STK40: variants seen among roughly 807,000 people sequenced by gnomAD.
STK40 encodes the protein serine/threonine kinase 40.
STK40 carries 13 observed loss-of-function variants against 47.9 expected under a neutral mutation model. That is an observed-to-expected ratio of 0.27 (90% CI 0.18 to 0.43). The LOEUF (loss-of-function observed/expected upper bound fraction) is 0.43, where lower values mean the gene tolerates loss of function less well. STK40 is among the 20% of genes least tolerant of loss of function. The pLI, the probability that STK40 is intolerant of heterozygous loss-of-function variation, is 1.00. For synonymous variants in STK40, 225 were observed against 243.2 expected (o/e 0.93, Z 0.69); for missense variants, 460 against 595.1 (o/e 0.77, Z 2.36).
chr1:36,358,048 G>A (rs1427460713), intron 4 of STK40, among the ~76,000 whole-genome samples, 191 bp downstream of exon 4: 1 of 152,190 alleles, frequency 6.6e-6, no homozygotes, highest in East Asian at 1.9e-4. Flanking sequence ...CCCCACAGGA[G>A]CACAGCTAGT....
chr1:36,384,561 T>C (rs1647069162), intron 1 of STK40, among the ~76,000 whole-genome samples: 1 of 152,248 alleles, frequency 6.6e-6, no homozygotes, highest in African/African-American at 2.4e-5. Flanking sequence ...CTAAGCAATG[T>C]GCCCAGGTAC....
chr1:36,358,955 A>C, intron 2 of STK40, 133 bp from the exon 3 acceptor site: 1 of 914,614 alleles, frequency 1.1e-6, no homozygotes. Flanking sequence ...CTGACCCTCC[A>C]AGGTCTCCTG....
At chr1:36,361,490 C>T (rs1570451904) in intron 1 of STK40, 150 bp from the exon 2 acceptor site, 1 of 1,410,482 alleles carries the variant, frequency 7.1e-7, no homozygotes, top group East Asian at 2.5e-5. Flanking sequence ...ATCCAAGGCT[C>T]CAAGTGACAA....
chr1:36,358,494 T>C, intron 3 of STK40, 112 bp from the exon 4 acceptor site: 1 of 1,400,558 alleles, frequency 7.1e-7, no homozygotes, highest in Non-Finnish European at 9.7e-7. Flanking sequence ...TTGTGCACAA[T>C]GCACACACAA....
At chr1:36,374,828 C>T (rs1464444771) in intron 1 of STK40, among the ~76,000 whole-genome samples, 1 of 152,168 alleles carries the variant, frequency 6.6e-6, no homozygotes, top group Non-Finnish European at 1.5e-5. Flanking sequence ...TGCTCTGGCT[C>T]ATTTGGACTA....
chr1:36,375,213 G>A (rs958562034), intron 1 of STK40, among the ~76,000 whole-genome samples: 2 of 152,134 alleles, frequency 1.3e-5, no homozygotes, highest in Non-Finnish European at 2.9e-5. Flanking sequence ...ACTTAGAAAT[G>A]TTACGTTTCC....
At chr1:36,351,692 C>T (rs554274173) in intron 6 of STK40, among the ~76,000 whole-genome samples, 6 of 152,274 alleles carry the variant, frequency 3.9e-5, no homozygotes, top group Admixed American at 3.9e-4. Context: ...GCTGCTACAG[C>T]CACGCCGGCG....
intron 4 of STK40, among the ~76,000 whole-genome samples, chr1:36,357,246 A>G (rs1282301590): frequency 6.6e-6 from 1 of 152,218 alleles, no homozygotes; most frequent in Non-Finnish European, 1.5e-5. Context: ...GACTTGCCCA[A>G]GGTCATACTA....
At chr1:36,371,981 A>G (rs935217179) in intron 1 of STK40, among the ~76,000 whole-genome samples, 1 of 152,204 alleles carries the variant, frequency 6.6e-6, no homozygotes, top group Non-Finnish European at 1.5e-5. Context: ...TGGGTGACAG[A>G]GCAAGACTCC....
chr1:36,342,333 C>G (rs1019456726), intron 10 of STK40: 3 of 305,632 alleles, frequency 9.8e-6, no homozygotes, highest in Non-Finnish European at 1.9e-5. Context: ...GAGGTACGAG[C>G]AAGCCCTGGG....
At chr1:36,354,463 G>C (rs776040514) in intron 5 of STK40, 47 bp from the exon 6 acceptor site, 16 of 1,608,320 alleles carry the variant, frequency 9.9e-6, no homozygotes, top group Non-Finnish European at 1.1e-5. Context: ...GTGAGAGGTG[G>C]GGTCAGGGCC....
intron 1 of STK40, among the ~76,000 whole-genome samples, chr1:36,374,376 G>A (rs1449779552): frequency 2.0e-5 from 3 of 152,382 alleles, no homozygotes; most frequent in East Asian, 3.9e-4. Flanking sequence ...GAGGTAGAGA[G>A]AAGCTTTCTC....
At chr1:36,362,045 T>C (rs1372813208) in intron 1 of STK40, among the ~76,000 whole-genome samples, 1 of 152,114 alleles carries the variant, frequency 6.6e-6, no homozygotes, top group African/African-American at 2.4e-5. Context: ...AAAAGAAAAT[T>C]CATTGTGTAT....
chr1:36,345,700 C>G (rs1383699842), intron 7 of STK40, among the ~76,000 whole-genome samples: 1 of 152,032 alleles, frequency 6.6e-6, no homozygotes, highest in Non-Finnish European at 1.5e-5. Context: ...AAAGGTGCTG[C>G]CTCTCCTCCC....
At chr1:36,364,912 C>T (rs577866873) in intron 1 of STK40, among the ~76,000 whole-genome samples, 5 of 151,644 alleles carry the variant, frequency 3.3e-5, no homozygotes, top group South Asian at 2.1e-4. Flanking sequence ...TCCTGGAAGC[C>T]GTCTCCTACT....
At position 36,355,197 on chromosome 1, in the gene STK40, T is replaced by C; in HGVS notation, c.570+9A>G. Reference sequence around the variant, plus strand: ...GGCCAGAAGGCGCAGCAGCAGGGTGTGGCCTCACCTGGTGCAGGGCCTCCA... The same window carrying C: ...GGCCAGAAGGCGCAGCAGCAGGGTGCGGCCTCACCTGGTGCAGGGCCTCCA... On this transcript the variant is annotated intron_variant, in intron 5 of 10. Transcript: ENST00000373132. The C allele has an allele frequency of 6.2e-7, 1 of 1,612,622 alleles. No individual in the cohort carries two copies. The highest frequency in any genetic ancestry group is 1.1e-5 in the South Asian group (1 of 91,050).
At chr1:36,358,180 T>G in intron 4 of STK40, 59 bp downstream of exon 4, 7 of 1,486,268 alleles carry the variant, frequency 4.7e-6, no homozygotes, top group Non-Finnish European at 6.3e-6. Context: ...CCCCAGCAAG[T>G]GGCAGCCCAC....
Position 36,377,555 on chromosome 1 carries a change from A to G in STK40, c.-9+8168T>C, listed in dbSNP as rs1021253371. 4.0e-4 allele frequency among the ~76,000 whole-genome samples: 60 copies of G among 151,194 alleles called. 1 individual carries two copies. The East Asian group carries it at 1.0e-2, about 25-fold the overall frequency. ...CTCAAAAAAAAAAAAAAAAAAAAAAAAAGTAGTAGTGGAATCAGGGGAGGC... is the reference window on the plus strand; with the variant it reads ...CTCAAAAAAAAAAAAAAAAAAAAAAGAAGTAGTAGTGGAATCAGGGGAGGC... On this transcript the variant is annotated intron_variant, in intron 1 of 10. Coordinates refer to ENST00000373132, the MANE Select transcript of STK40 (RefSeq NM_001282547.2).
In STK40 at chr1:36,339,697, T is replaced by C. The variant is rs974636524; in HGVS notation, c.*2058A>G. The C allele has an allele frequency of 6.5e-6, 1 of 152,710 alleles. No homozygotes were observed. Among genetic ancestry groups the C allele is most frequent in the African/African-American group, 2.4e-5 (1 of 41,470 alleles). 9.5% of individuals were successfully genotyped at this position (152,710 alleles called of 1,614,324 possible). A position where few individuals can be genotyped will look rare whatever the true frequency, so the allele number is the denominator to read the frequency against. ...CATGTAGTACAAAAATATGTCTTTA[T>C]ACAAACTTTTTTGTGACTTTTTCCG... On this transcript the variant is annotated 3_prime_UTR_variant, in exon 11 of 11. Transcript: ENST00000373132.
Sources: gnomAD v4.1 joint callset for allele counts (sites outside exome capture counted in the v4.1 genomes callset) on GRCh38, gnomAD v4.1.1 for gene constraint, MANE v1.5 for transcripts, NCBI Gene and HGNC (gene_info 2026-07-23, HGNC 2026-07-21) for gene names.